PTK2B: variants seen among roughly 807,000 people sequenced by gnomAD.
The protein encoded by PTK2B is protein-tyrosine kinase 2-beta.
In PTK2B, 71 loss-of-function variants were observed where a neutral mutation model predicts 142.9. The ratio of observed to expected loss-of-function variants is 0.50; its 90% CI spans 0.41 to 0.61. PTK2B has a LOEUF of 0.61. PTK2B is among the 20% of genes least tolerant of loss of function. PTK2B has a pLI of 0.00. For synonymous variants in PTK2B, 519 were observed against 503.4 expected (o/e 1.03, Z -0.42); for missense variants, 1,105 against 1,320.4 (o/e 0.84, Z 2.53).
At chr8:27,379,003 T>A (rs1806849953) in intron 1 of PTK2B, among the ~76,000 whole-genome samples, 1 of 152,154 alleles carries the variant, frequency 6.6e-6, no homozygotes, top group East Asian at 1.9e-4. Context: ...ACGGGGGAGC[T>A]GGATGCCCGA....
rs1379224070 is a variant in PTK2B, at chr8:27,437,753, C to T, written c.1528-12C>T. On this transcript the variant is annotated splice_polypyrimidine_tract_variant and intron_variant, in intron 17 of 30. Transcript: ENST00000346049. ...AACCAGGGGTCTTGATGGCACCTCC[C>T]CATTCCTGCAGCTGGGCCACTACCT... 6.2e-7 allele frequency: 1 copy of T among 1,603,436 alleles called. No individual in the cohort carries two copies. The highest frequency in any genetic ancestry group is 1.7e-5 in the Admixed American group (1 of 58,362).
At chr8:27,397,843 G>T in intron 2 of PTK2B, 55 bp downstream of exon 2, 13 of 1,594,248 alleles carry the variant, frequency 8.2e-6, no homozygotes, top group Non-Finnish European at 1.1e-5. Context: ...CTTCTTCCTG[G>T]GCAGCTGAGC....
upstream of PTK2B, chr8:27,311,281 C>G: frequency 2.1e-6 from 3 of 1,452,394 alleles, no homozygotes; most frequent in Non-Finnish European, 2.7e-6. Flanking sequence ...GCTCCGGCCC[C>G]TCCCACCCGC....
At chr8:27,455,416 G>T (rs1171155196) in intron 30 of PTK2B, among the ~76,000 whole-genome samples, 1 of 152,226 alleles carries the variant, frequency 6.6e-6, no homozygotes, top group East Asian at 1.9e-4. Context: ...GGGCGTGGTG[G>T]CCTGTGCCTA....
At chr8:27,454,363 C>T in intron 29 of PTK2B, 72 bp downstream of exon 29, 2 of 1,577,460 alleles carry the variant, frequency 1.3e-6, no homozygotes, top group Non-Finnish European at 1.7e-6. Context: ...GACTGCGCTT[C>T]CTGTTGGCTG....
chr8:27,376,216 G>A (rs17057058), intron 1 of PTK2B, among the ~76,000 whole-genome samples: 1,847 of 152,354 alleles, frequency 0.012, 34 homozygotes, highest in African/African-American at 0.042. Flanking sequence ...GTTCAGGCCA[G>A]GCCAATCTGG....
intron 1 of PTK2B, among the ~76,000 whole-genome samples, chr8:27,381,824 T>C (rs573603077): frequency 2.0e-5 from 3 of 152,234 alleles, no homozygotes; most frequent in Non-Finnish European, 4.4e-5. Flanking sequence ...GCATTTGTTA[T>C]TTTTTGTCTT....
At chr8:27,350,489 C>T (rs1472523518) in intron 1 of PTK2B, among the ~76,000 whole-genome samples, 1 of 152,124 alleles carries the variant, frequency 6.6e-6, no homozygotes, top group Non-Finnish European at 1.5e-5. Flanking sequence ...TTTCAATAAC[C>T]TTTGGGGAGA....
At chr8:27,374,835 G>A (rs1806570877) in intron 1 of PTK2B, among the ~76,000 whole-genome samples, 1 of 152,218 alleles carries the variant, frequency 6.6e-6, no homozygotes, top group Non-Finnish European at 1.5e-5. Context: ...TGGCCCACAT[G>A]CCCTTGAGAG....
rs1421783265 is a variant in PTK2B at position 27,436,282 on chromosome 8, G to A, written c.1275G>A (p.Val425=). 1.5e-5 allele frequency: 25 copies of A among 1,614,052 alleles called. No homozygotes were observed. The highest frequency in any genetic ancestry group is 1.8e-5 in the Non-Finnish European group (21 of 1,180,036). ...AGTATGGCATTGCCCGTGAAGATGT[G>A]GTCCTGAATCGTATTCTTGGGGAAG... ...GPQYGIARED[V]VLNRILGEGF... The change falls in exon 15 of 31, where the codon GTG becomes GTA. Residue 425 remains valine (V), a synonymous_variant. Coordinates refer to ENST00000346049, the MANE Select transcript of PTK2B (RefSeq NM_173176.3).
chr8:27,453,845 G>A (rs1811973233), intron 28 of PTK2B, among the ~76,000 whole-genome samples: 1 of 152,178 alleles, frequency 6.6e-6, no homozygotes, highest in Non-Finnish European at 1.5e-5. Context: ...TTATACTCCA[G>A]CCTGGGCAAC....
chr8:27,330,942 C>G (rs912576798), intron 1 of PTK2B, among the ~76,000 whole-genome samples: 2 of 152,168 alleles, frequency 1.3e-5, no homozygotes, highest in Admixed American at 1.3e-4. Flanking sequence ...TGACTAAAAC[C>G]AAGATCAGCA....
At chr8:27,315,201 C>T (rs1224421425) in intron 3 of PTK2B, among the ~76,000 whole-genome samples, 1 of 152,184 alleles carries the variant, frequency 6.6e-6, no homozygotes, top group Non-Finnish European at 1.5e-5. Context: ...GGTTCTCCTG[C>T]AATTACCTGG....
At chr8:27,394,879 AAC>A (rs1384501704) in intron 1 of PTK2B, among the ~76,000 whole-genome samples, 3 of 152,134 alleles carry the variant, frequency 2.0e-5, no homozygotes, top group Non-Finnish European at 4.4e-5. Context: ...CAAAGACACA[AAC>A]ACACACATTA....
chr8:27,343,560 C>T (rs952597704), intron 1 of PTK2B, among the ~76,000 whole-genome samples: 11 of 152,328 alleles, frequency 7.2e-5, no homozygotes, highest in African/African-American at 9.6e-5. Context: ...TGACATATCA[C>T]CCCGGAGGGG....
At chr8:27,310,746 G>A (rs1563448132), upstream of PTK2B, 1 of 1,520,228 alleles carries the variant, frequency 6.6e-7, no homozygotes, top group Non-Finnish European at 8.9e-7. Flanking sequence ...GCAGAGCCAA[G>A]GGATTCCGGG....
intron 1 of PTK2B, among the ~76,000 whole-genome samples, chr8:27,366,098 C>T (rs1462325542): frequency 2.6e-5 from 4 of 152,214 alleles, no homozygotes; most frequent in African/African-American, 9.6e-5. Context: ...GAGAAGGACC[C>T]ACCTGTGCTA....
intron 9 of PTK2B, 42 bp from the exon 10 acceptor site, chr8:27,432,218 T>G (rs1810476566): frequency 6.3e-7 from 1 of 1,587,824 alleles, no homozygotes. Flanking sequence ...GGCCTAGTCC[T>G]GGTAGTGGGA....
intron 1 of PTK2B, among the ~76,000 whole-genome samples, chr8:27,328,440 C>T (rs1057330507): frequency 1.3e-5 from 2 of 152,158 alleles, no homozygotes; most frequent in African/African-American, 2.4e-5. Flanking sequence ...GTTAAGAATT[C>T]GTTAAGAGAA....
Sources: allele counts gnomAD v4.1 joint callset (sites outside exome capture counted in the v4.1 genomes callset), GRCh38; gene constraint gnomAD v4.1.1; transcripts MANE v1.5; gene names NCBI Gene and HGNC (gene_info 2026-07-23, HGNC 2026-07-21).